MAEA: variants seen among roughly 807,000 people sequenced by gnomAD.
The protein encoded by MAEA is E3 ubiquitin-protein transferase MAEA.
MAEA carries 22 observed loss-of-function variants against 46.2 expected under a neutral mutation model. That is an observed-to-expected ratio of 0.48 (90% confidence interval 0.34 to 0.68). The LOEUF (loss-of-function observed/expected upper bound fraction) is 0.68. MAEA is among the 30% of genes least tolerant of loss of function. The probability of loss-of-function intolerance (pLI) is 0.01; values close to 1 mark genes in which losing one functional copy is unlikely to be tolerated. For missense variants in MAEA, 393 were observed against 558.1 expected (o/e 0.70, Z 2.98); for synonymous variants, 246 against 222.6 (o/e 1.11, Z -0.94).
At chr4:1,329,868 T>C (rs995607867) in intron 5 of MAEA, 5 of 985,446 alleles carry the variant, frequency 5.1e-6, no homozygotes, top group Non-Finnish European at 6.0e-6. Flanking sequence ...CCCTCTCACC[T>C]GCTGCCAGGG....
At position 1,312,180 on chromosome 4, in the gene MAEA, T is replaced by C. The variant is rs369371621; in HGVS notation, c.252+19T>C. ...GAGGAAGGTTGGTCCCGCCTGGCGG[T>C]CCCTCTTCAGTCTGGGGCATGGACA... On this transcript the variant is annotated intron_variant, in intron 2 of 8. Transcript: ENST00000303400. The C allele has an allele frequency of 5.1e-5, 83 of 1,613,288 alleles. No homozygotes were observed. In the African/African-American group the frequency reaches 9.3e-4, roughly 18 times the overall value.
chr4:1,326,278 C>T (rs1194590852), intron 4 of MAEA, among the ~76,000 whole-genome samples: 2 of 152,218 alleles, frequency 1.3e-5, no homozygotes, highest in African/African-American at 4.8e-5. Flanking sequence ...TCATGCCGTC[C>T]TGAGAGCCAG....
chr4:1,338,027 CTT>C (rs1238465712), intron 7 of MAEA: 1 of 203,102 alleles, frequency 4.9e-6, no homozygotes, highest in Non-Finnish European at 1.0e-5. Flanking sequence ...CTTGTCCCCT[CTT>C]TGTGGAACTC....
At chr4:1,312,261 C>G in intron 2 of MAEA, 100 bp downstream of exon 2, 1 of 1,436,882 alleles carries the variant, frequency 7.0e-7, no homozygotes, top group African/African-American at 1.4e-5. Flanking sequence ...GATGGGAACG[C>G]GGGAGGTGCG....
chr4:1,320,219 A>G (rs989108267), intron 3 of MAEA, among the ~76,000 whole-genome samples: 1 of 148,010 alleles, frequency 6.8e-6, no homozygotes, highest in African/African-American at 2.5e-5. Flanking sequence ...AGAAAACACT[A>G]TGAAGGGGCT....
Position 1,315,515 on chromosome 4 carries a change from G to C in MAEA, c.371G>C (p.Arg124Pro). ...GCGGCCAGCGTGTGGAAGAGGAAGC[G>C]CATGGATCGCATGATGGTGGAGCAC... is the stretch of plus-strand genomic sequence containing the variant. ...PAAASVWKRKRMDRMMVEHLL... is the reference protein window; with the variant it reads ...PAAASVWKRKPMDRMMVEHLL... Residue 124 changes from arginine to proline, a missense_variant, in exon 3 of 9, where the codon CGC becomes CCC. Physicochemically the swap from Arg to Pro is moderately radical, Grantham distance 103. Transcript: ENST00000303400. 3.1e-6 allele frequency: 5 copies of C among 1,613,888 alleles called. No individual in the cohort carries two copies. The highest frequency in any genetic ancestry group is 4.2e-6 in the Non-Finnish European group (5 of 1,179,964).
At chr4:1,329,425 TGC>T (rs1739257977) in intron 5 of MAEA, 1 of 985,426 alleles carries the variant, frequency 1.0e-6, no homozygotes, top group East Asian at 1.1e-4. Flanking sequence ...CTGTGCCCTC[TGC>T]GGCCTCGTCT....
intron 3 of MAEA, among the ~76,000 whole-genome samples, chr4:1,321,320 A>C (rs971693596): frequency 6.6e-6 from 1 of 152,232 alleles, no homozygotes; most frequent in Non-Finnish European, 1.5e-5. Flanking sequence ...CATCAAAGCA[A>C]ACATGCAAGA....
chr4:1,321,545 C>T (rs944170081), intron 3 of MAEA, among the ~76,000 whole-genome samples: 4 of 152,234 alleles, frequency 2.6e-5, no homozygotes, highest in South Asian at 2.1e-4. Context: ...AAGAAAACAG[C>T]GCATCTGTGA....
At chr4:1,307,537 C>T (rs1735949346) in intron 1 of MAEA, among the ~76,000 whole-genome samples, 1 of 152,250 alleles carries the variant, frequency 6.6e-6, no homozygotes, top group Admixed American at 6.5e-5. Flanking sequence ...TATTGTGTTA[C>T]TTGTCCCCAG....
At chr4:1,334,916 G>C in intron 6 of MAEA, 1 of 985,364 alleles carries the variant, frequency 1.0e-6, no homozygotes, top group Non-Finnish European at 1.2e-6. Context: ...ATTTAAAACA[G>C]CCTTTAAAAA....
chr4:1,295,777 ACCCGCGCCTGTGCCCCCC>A (rs1312495346), intron 1 of MAEA, among the ~76,000 whole-genome samples: 4 of 45,126 alleles, frequency 8.9e-5, no homozygotes, highest in Admixed American at 2.6e-4. Flanking sequence ...TGCCCCCCTC[ACCCGCGCCTGTGCCCCCC>A]TCCCCAGCGC....
chr4:1,330,028 A>AG (rs1469963857), intron 5 of MAEA: 69 of 985,118 alleles, frequency 7.0e-5, no homozygotes, highest in Non-Finnish European at 7.8e-5. Context: ...CTGTGGAGCC[A>AG]GCGTGCTGGG....
At chr4:1,293,737 G>A in intron 1 of MAEA, among the ~76,000 whole-genome samples, 1 of 152,230 alleles carries the variant, frequency 6.6e-6, no homozygotes, top group East Asian at 1.9e-4. Flanking sequence ...AGAAACACCG[G>A]GCTTGTGGTT....
intron 3 of MAEA, among the ~76,000 whole-genome samples, chr4:1,321,831 G>A (rs1316393): frequency 0.35 from 52,720 of 151,734 alleles, 10,918 homozygotes; most frequent in Non-Finnish European, 0.47. Flanking sequence ...GGCCACTAGC[G>A]GAGACTTGAT....
At chr4:1,328,320 T>C (rs1739109302) in intron 5 of MAEA, among the ~76,000 whole-genome samples, 1 of 152,180 alleles carries the variant, frequency 6.6e-6, no homozygotes, top group Admixed American at 6.5e-5. Flanking sequence ...AGAGAGGCTG[T>C]CCGCTGGCTT....
chr4:1,299,049 T>G (rs1048631878), intron 1 of MAEA, among the ~76,000 whole-genome samples: 4 of 151,982 alleles, frequency 2.6e-5, no homozygotes, highest in African/African-American at 9.7e-5. Flanking sequence ...GTCTGGCTAA[T>G]TTTTTTATTT....
At chr4:1,290,291 T>G (rs1733968715) in intron 1 of MAEA, among the ~76,000 whole-genome samples, 1 of 151,900 alleles carries the variant, frequency 6.6e-6, no homozygotes. Flanking sequence ...AGCCGGAGTT[T>G]GCGGGGCGTG....
chr4:1,314,341 A>G (rs951643578), intron 2 of MAEA, among the ~76,000 whole-genome samples: 2 of 151,934 alleles, frequency 1.3e-5, no homozygotes, highest in Admixed American at 6.6e-5. Context: ...AAAAATTCAG[A>G]ATTTAAAAGG....
Sources: gnomAD v4.1 joint callset for allele counts (sites outside exome capture counted in the v4.1 genomes callset) on GRCh38, gnomAD v4.1.1 for gene constraint, MANE v1.5 for transcripts, NCBI Gene and HGNC (gene_info 2026-07-23, HGNC 2026-07-21) for gene names.